The following ADAM22 variants were observed in gnomAD, a reference collection of about 807,000 sequenced individuals.
ADAM22 encodes the protein disintegrin and metalloproteinase domain-containing protein 22.
A neutral mutation model predicts 144.6 loss-of-function variants in ADAM22; 65 were observed. That is an observed-to-expected ratio of 0.45 (90% CI 0.37 to 0.55). ADAM22 has a LOEUF of 0.55. ADAM22 is among the 20% of genes least tolerant of loss of function. The probability of loss-of-function intolerance (pLI) is 0.00; values close to 1 mark genes in which losing one functional copy is unlikely to be tolerated. For synonymous variants in ADAM22, 391 were observed against 412.6 expected, an observed-to-expected ratio of 0.95 and a Z score of 0.63; for missense variants, 974 against 1,184.9, an observed-to-expected ratio of 0.82 and a Z score of 2.61.
At chr7:88,069,241 CTCTCTCCTTCTGCTTTCCTTCTCTCCT>C (rs1812103911) in intron 3 of ADAM22, among the ~76,000 whole-genome samples, 1 of 151,846 alleles carries the variant, frequency 6.6e-6, no homozygotes, top group South Asian at 2.1e-4. Flanking sequence ...TTCTCTCTCC[CTCTCTCCTTCTGCTTTCCTTCTCTCCT>C]TCTCTCCTTC....
intron 14 of ADAM22, among the ~76,000 whole-genome samples, chr7:88,140,823 G>A (rs1489122617): frequency 6.6e-6 from 1 of 152,120 alleles, no homozygotes; most frequent in Non-Finnish European, 1.5e-5. Context: ...GCAACAGAGT[G>A]AGACCCCTGC....
At chr7:88,011,539 C>CA (rs774557316) in intron 3 of ADAM22, among the ~76,000 whole-genome samples, 340 of 90,306 alleles carry the variant, frequency 3.8e-3, no homozygotes, top group African/African-American at 5.9e-3. Flanking sequence ...GACTCAATCT[C>CA]AAAAAAAAAA....
At chr7:88,112,523 GA>G (rs1432085729) in intron 5 of ADAM22, among the ~76,000 whole-genome samples, 1 of 152,166 alleles carries the variant, frequency 6.6e-6, no homozygotes, top group Non-Finnish European at 1.5e-5. Flanking sequence ...ATGCCTGAAT[GA>G]TAAGACAAGT....
At chr7:88,160,179 C>T (rs906395331) in intron 22 of ADAM22, among the ~76,000 whole-genome samples, 8 of 151,970 alleles carry the variant, frequency 5.3e-5, no homozygotes, top group African/African-American at 1.9e-4. Flanking sequence ...ATAAAGTACC[C>T]AGGAATACAG....
chr7:88,083,233 C>G (rs1015678264), intron 4 of ADAM22, among the ~76,000 whole-genome samples: 1 of 151,888 alleles, frequency 6.6e-6, no homozygotes, highest in Non-Finnish European at 1.5e-5. Context: ...CAAACTATTG[C>G]GAGGACAAAA....
intron 2 of ADAM22, among the ~76,000 whole-genome samples, chr7:87,974,812 C>G (rs75794813): frequency 0.035 from 5,267 of 152,234 alleles, 329 homozygotes; most frequent in African/African-American, 0.12. Context: ...TTTGGAGGCC[C>G]TAAGGGAGAT....
chr7:87,974,259 G>T (rs555596013), intron 2 of ADAM22, among the ~76,000 whole-genome samples: 3 of 149,002 alleles, frequency 2.0e-5, no homozygotes, highest in Non-Finnish European at 4.5e-5. Context: ...AGCCGAGATC[G>T]TGCCACTGCC....
intron 2 of ADAM22, among the ~76,000 whole-genome samples, chr7:87,944,511 T>C (rs1278503338): frequency 1.3e-5 from 2 of 152,122 alleles, no homozygotes. Flanking sequence ...TAAGTGGCAG[T>C]TGAGGCTACA....
chr7:88,054,025 G>A (rs1220314723), intron 3 of ADAM22, among the ~76,000 whole-genome samples: 3 of 152,210 alleles, frequency 2.0e-5, no homozygotes, highest in East Asian at 1.9e-4. Flanking sequence ...CCAGCTACTC[G>A]GGAGGCTGAG....
chr7:88,176,716 G>T (rs910679320), intron 26 of ADAM22, among the ~76,000 whole-genome samples: 2 of 152,058 alleles, frequency 1.3e-5, no homozygotes, highest in Non-Finnish European at 2.9e-5. Context: ...GTCAAGTGTA[G>T]TTCAGTGCTC....
rs1256782502 is a variant in ADAM22, at chr7:88,171,560, A to G, written c.2299A>G (p.Arg767Gly). ...CATGAAAAGAAACTATCGAGAACAGAGGTATGTAATACAAATAATGTGAAC... is the reference window on the plus strand; with the variant it reads ...CATGAAAAGAAACTATCGAGAACAGGGGTATGTAATACAAATAATGTGAAC... ...AWGYKNYREQ[R>G]QLPQGDYVKK... Residue 767 changes from arginine (R) to glycine (G), a missense_variant and splice_region_variant, in exon 26 of 32, where the codon AGA becomes GGA. By Grantham distance (125) the Arg-to-Gly change is moderately radical (BLOSUM62 -2). Coordinates refer to ENST00000413139, the MANE Select transcript of ADAM22 (RefSeq NM_001324418.2). 6.3e-7 allele frequency: 1 copy of G among 1,588,694 alleles called. No homozygotes were observed. The highest frequency in any genetic ancestry group is 8.5e-7 in the Non-Finnish European group (1 of 1,170,978).
chr7:88,014,060 A>C (rs1443425711), intron 3 of ADAM22, among the ~76,000 whole-genome samples: 1 of 151,962 alleles, frequency 6.6e-6, no homozygotes, highest in Non-Finnish European at 1.5e-5. Context: ...CTAATTGTCT[A>C]TTTTTTTCTG....
intron 3 of ADAM22, among the ~76,000 whole-genome samples, chr7:88,073,696 G>A (rs1449138181): frequency 6.6e-6 from 1 of 152,236 alleles, no homozygotes; most frequent in African/African-American, 2.4e-5. Flanking sequence ...GGCCATGCCA[G>A]CTAATCCTGG....
At chr7:87,989,390 A>G (rs539600324) in intron 3 of ADAM22, among the ~76,000 whole-genome samples, 1 of 151,910 alleles carries the variant, frequency 6.6e-6, no homozygotes, top group Non-Finnish European at 1.5e-5. Flanking sequence ...ATTGTATATT[A>G]TTTATTTATT....
chr7:87,975,972 G>A (rs1200074576), intron 2 of ADAM22, among the ~76,000 whole-genome samples: 1 of 152,108 alleles, frequency 6.6e-6, no homozygotes, highest in Non-Finnish European at 1.5e-5. Flanking sequence ...GTTATCCATT[G>A]ACATCACATT....
intron 23 of ADAM22, among the ~76,000 whole-genome samples, chr7:88,164,388 G>A (rs1842480913): frequency 6.6e-6 from 1 of 151,884 alleles, no homozygotes; most frequent in Non-Finnish European, 1.5e-5. Context: ...CAATAATTAT[G>A]CATAATATAA....
rs750452165 is a variant in ADAM22 at position 88,165,984 on chromosome 7, A to G, written c.2191+38A>G. ...TTTGGTAACATTATGTAGTCTTTAT[A>G]CACAAAGAGAAAGCTGCTCTCTGAA... is the stretch of plus-strand genomic sequence containing the variant. On this transcript the variant is annotated intron_variant, in intron 24 of 31. Coordinates refer to ENST00000413139, the MANE Select transcript of ADAM22 (RefSeq NM_001324418.2). 4.1e-6 allele frequency: 6 copies of G among 1,463,602 alleles called. No individual in the cohort carries two copies. In the South Asian group the frequency reaches 7.4e-5, roughly 18 times the overall value. The allele number at this position is 1,463,602 out of a possible 1,614,324, so 90.7% of individuals were successfully genotyped here. A position where few individuals can be genotyped will look rare whatever the true frequency, so the allele number is the denominator to read the frequency against.
At chr7:88,144,462 C>T (rs566624252) in intron 15 of ADAM22, among the ~76,000 whole-genome samples, 95 of 152,150 alleles carry the variant, frequency 6.2e-4, no homozygotes, top group African/African-American at 2.2e-3. Flanking sequence ...AATTTTAGTT[C>T]GCTGCAAAAC....
At chr7:88,051,708 A>T (rs1253833158) in intron 3 of ADAM22, among the ~76,000 whole-genome samples, 1 of 145,566 alleles carries the variant, frequency 6.9e-6, no homozygotes, top group East Asian at 2.0e-4. Flanking sequence ...AATAATAAAT[A>T]AAAAAAAAAA....
Sources: allele counts gnomAD v4.1 joint callset (sites outside exome capture counted in the v4.1 genomes callset), GRCh38; gene constraint gnomAD v4.1.1; transcripts MANE v1.5; gene names NCBI Gene and HGNC (gene_info 2026-07-23, HGNC 2026-07-21).